GABBR2: variants seen among roughly 807,000 people sequenced by gnomAD.
GABBR2 encodes gamma-aminobutyric acid type B receptor subunit 2, also known as G-protein coupled receptor 51.
In GABBR2, 23 loss-of-function variants were observed where a neutral mutation model predicts 105.6. That is an observed-to-expected ratio of 0.22 (90% CI 0.16 to 0.31). The LOEUF (loss-of-function observed/expected upper bound fraction) is 0.31. Among genes scored for constraint, GABBR2 ranks in the 10% least tolerant of loss-of-function variants. The pLI, the probability that GABBR2 is intolerant of heterozygous loss-of-function variation, is 1.00. For missense variants in GABBR2, 734 were observed against 1,245.5 expected (o/e 0.59, Z 6.18); for synonymous variants, 478 against 499.7 (o/e 0.96, Z 0.58).
At chr9:98,568,556 G>A (rs560779920) in intron 2 of GABBR2, among the ~76,000 whole-genome samples, 1 of 152,304 alleles carries the variant, frequency 6.6e-6, no homozygotes, top group East Asian at 1.9e-4. Flanking sequence ...GGGACTCTGG[G>A]TGCTGGAGCT....
intron 2 of GABBR2, among the ~76,000 whole-genome samples, chr9:98,574,043 A>G (rs374925851): frequency 2.0e-5 from 3 of 152,348 alleles, no homozygotes; most frequent in African/African-American, 7.2e-5. Flanking sequence ...GAAGGAGATC[A>G]GGGAAGGCAT....
chr9:98,614,663 T>A (rs546124404), intron 1 of GABBR2, among the ~76,000 whole-genome samples: 118 of 152,238 alleles, frequency 7.8e-4, no homozygotes, highest in South Asian at 1.5e-3. Context: ...GACATGTACA[T>A]CTGCAGTAAG....
At chr9:98,589,072 A>C (rs1829113435) in intron 1 of GABBR2, among the ~76,000 whole-genome samples, 2 of 152,132 alleles carry the variant, frequency 1.3e-5, no homozygotes, top group South Asian at 4.1e-4. Flanking sequence ...GACCCCACCA[A>C]CCATGGACTG....
intron 4 of GABBR2, among the ~76,000 whole-genome samples, chr9:98,493,613 C>T (rs1827221014): frequency 6.6e-6 from 1 of 152,200 alleles, no homozygotes; most frequent in African/African-American, 2.4e-5. Flanking sequence ...AATGCAGACT[C>T]CAGTTCTACT....
chr9:98,607,268 G>A (rs1429908763), intron 1 of GABBR2: 17 of 1,086,782 alleles, frequency 1.6e-5, no homozygotes, highest in South Asian at 7.4e-5. Flanking sequence ...ATGCAGAATC[G>A]CATGTGAACG....
At chr9:98,536,414 A>G (rs1828182112) in intron 3 of GABBR2, among the ~76,000 whole-genome samples, 1 of 152,202 alleles carries the variant, frequency 6.6e-6, no homozygotes, top group Non-Finnish European at 1.5e-5. Context: ...CATAGAATTG[A>G]GAGCCCAAAG....
chr9:98,541,421 G>C (rs1828301720), intron 3 of GABBR2, among the ~76,000 whole-genome samples: 1 of 151,926 alleles, frequency 6.6e-6, no homozygotes, highest in Admixed American at 6.6e-5. Flanking sequence ...CATATATTAA[G>C]GTGTGTTTGT....
At chr9:98,429,275 G>GA (rs1798070629) in intron 7 of GABBR2, among the ~76,000 whole-genome samples, 1 of 151,878 alleles carries the variant, frequency 6.6e-6, no homozygotes, top group Non-Finnish European at 1.5e-5. Flanking sequence ...GAGTAGCTGG[G>GA]ATCACAGGCA....
intron 14 of GABBR2, among the ~76,000 whole-genome samples, chr9:98,307,826 T>C (rs76778679): frequency 2.6e-5 from 4 of 152,356 alleles, no homozygotes; most frequent in African/African-American, 9.6e-5. Context: ...AAGCTATTTG[T>C]AATTGATCTT....
In GABBR2 at chr9:98,591,777, C is replaced by G. The variant is rs375322384; in HGVS notation, c.322-13705G>C. Among the ~76,000 whole-genome samples, 22 of 152,228 alleles carry G rather than the reference C, an allele frequency of 1.4e-4. No homozygotes were observed. In the South Asian group the frequency reaches 4.6e-3, roughly 32 times the overall value. ...GGGAGAGACTGATGAGGAAAGAGAT[C>G]GAAGAAAGAATAAACCAGCTATGTC... is the stretch of plus-strand genomic sequence containing the variant. On this transcript the variant is annotated intron_variant, in intron 1 of 18. Transcript: ENST00000259455.
intron 13 of GABBR2, among the ~76,000 whole-genome samples, chr9:98,351,282 T>C (rs1009644662): frequency 6.6e-6 from 1 of 152,244 alleles, no homozygotes; most frequent in Non-Finnish European, 1.5e-5. Context: ...TTTTGTTAAT[T>C]GTTTTCTGAT....
chr9:98,509,645 C>A (rs912018580), intron 3 of GABBR2, among the ~76,000 whole-genome samples: 6 of 151,876 alleles, frequency 4.0e-5, no homozygotes, highest in Non-Finnish European at 7.4e-5. Flanking sequence ...GTAGCCAATG[C>A]GATCAACTGG....
intron 1 of GABBR2, among the ~76,000 whole-genome samples, chr9:98,623,631 T>C (rs1490698943): frequency 6.6e-6 from 1 of 152,154 alleles, no homozygotes; most frequent in Non-Finnish European, 1.5e-5. Context: ...CCTTGGCTCA[T>C]GGCCCCTTCC....
intron 2 of GABBR2, among the ~76,000 whole-genome samples, chr9:98,569,892 C>T (rs1213441618): frequency 6.6e-6 from 1 of 152,224 alleles, no homozygotes; most frequent in Non-Finnish European, 1.5e-5. Flanking sequence ...TTGAGAAAAT[C>T]ATGTCAGATC....
chr9:98,296,346 C>T (rs916202299), intron 17 of GABBR2, among the ~76,000 whole-genome samples: 3 of 152,188 alleles, frequency 2.0e-5, no homozygotes, highest in Admixed American at 1.3e-4. Flanking sequence ...TTAGGACTCC[C>T]CAGCCTCCAG....
intron 6 of GABBR2, among the ~76,000 whole-genome samples, chr9:98,472,704 T>C (rs919650812): frequency 3.3e-5 from 5 of 151,854 alleles, no homozygotes; most frequent in South Asian, 2.1e-4. Flanking sequence ...AGTGGTAAAA[T>C]TGGGGTTTGA....
intron 12 of GABBR2, among the ~76,000 whole-genome samples, chr9:98,370,466 T>C (rs902613518): frequency 3.3e-5 from 5 of 152,108 alleles, no homozygotes; most frequent in Non-Finnish European, 7.4e-5. Flanking sequence ...CCACCACTCC[T>C]AATTCCAACT....
chr9:98,694,246 G>A (rs1830720858), intron 1 of GABBR2, among the ~76,000 whole-genome samples: 1 of 152,170 alleles, frequency 6.6e-6, no homozygotes, highest in Non-Finnish European at 1.5e-5. Context: ...TTGAGGTCTA[G>A]GCCCCGCTGA....
intron 6 of GABBR2, 42 bp downstream of exon 6, chr9:98,473,104 G>A (rs376582769): frequency 2.8e-5 from 40 of 1,422,316 alleles, no homozygotes; most frequent in Non-Finnish European, 3.9e-5. Context: ...GATGATCAAA[G>A]GAGGTGGGCC....
Sources: gnomAD v4.1 joint callset for allele counts (sites outside exome capture counted in the v4.1 genomes callset) on GRCh38, gnomAD v4.1.1 for gene constraint, MANE v1.5 for transcripts, NCBI Gene and HGNC (gene_info 2026-07-23, HGNC 2026-07-21) for gene names.